Variants in BMPR1B observed in about 807,000 individuals in gnomAD.
BMPR1B encodes the protein bone morphogenetic protein receptor type 1B, also known as bone morphogenetic protein receptor type-1B.
Under a neutral mutation model 59.1 loss-of-function variants are expected in BMPR1B, and 12 were observed. The ratio of observed to expected loss-of-function variants is 0.20; its 90% CI spans 0.13 to 0.33. The LOEUF (loss-of-function observed/expected upper bound fraction) is 0.33, where lower values mean the gene tolerates loss of function less well. Among genes scored for constraint, BMPR1B ranks in the 10% least tolerant of loss-of-function variants. The pLI, the probability that BMPR1B is intolerant of heterozygous loss-of-function variation, is 1.00. For missense variants in BMPR1B, 550 were observed against 610.9 expected, an observed-to-expected ratio of 0.90 and a Z score of 1.05; for synonymous variants, 237 against 207.3, an observed-to-expected ratio of 1.14 and a Z score of -1.23.
At position 95,155,507 on chromosome 4, in the gene BMPR1B, T is replaced by TTTA. The variant is rs1735359287; in HGVS notation, c.*834_*835insTTA. 1 of 110,212 alleles carries TTTA rather than the reference T, an allele frequency of 9.1e-6. No homozygotes were observed. The highest frequency in any genetic ancestry group is 1.8e-5 in the Non-Finnish European group (1 of 55,796). The allele number at this position is 110,212 out of a possible 1,614,324, so 6.8% of individuals were successfully genotyped here. On this transcript the variant is annotated 3_prime_UTR_variant, in exon 13 of 13. Transcript: ENST00000515059. ...TTTTTTTTTTTTTTTTTTTTTTTTT[T>TTTA]AATGTGCAGAGGATTGACCTGTGCA... is the stretch of plus-strand genomic sequence containing the variant.
chr4:95,042,595 A>G (rs1445599425), intron 3 of BMPR1B, among the ~76,000 whole-genome samples: 3 of 152,220 alleles, frequency 2.0e-5, no homozygotes, highest in South Asian at 2.1e-4. Context: ...TCTGGCCCCA[A>G]GCATTTTAAA....
At chr4:94,949,779 G>C (rs372032719) in intron 2 of BMPR1B, among the ~76,000 whole-genome samples, 2 of 152,158 alleles carry the variant, frequency 1.3e-5, no homozygotes, top group East Asian at 3.8e-4. Flanking sequence ...AAAGTAGAAT[G>C]ATGTATAATC....
intron 2 of BMPR1B, among the ~76,000 whole-genome samples, chr4:94,955,532 A>C (rs1730107576): frequency 6.6e-6 from 1 of 152,174 alleles, no homozygotes; most frequent in South Asian, 2.1e-4. Context: ...AATAATGTTA[A>C]TACTAATAGT....
At chr4:95,047,601 C>T (rs1026823685) in intron 3 of BMPR1B, among the ~76,000 whole-genome samples, 1 of 152,134 alleles carries the variant, frequency 6.6e-6, no homozygotes, top group Non-Finnish European at 1.5e-5. Flanking sequence ...AAGTTATATT[C>T]CTTTTCATAC....
rs549037222 is a variant in BMPR1B, at chr4:94,923,122, T to C, written c.-113+47222T>C. 5.3e-5 allele frequency among the ~76,000 whole-genome samples: 8 copies of C among 152,306 alleles called. No individual in the cohort carries two copies. The East Asian group carries it at 1.5e-3, about 29-fold the overall frequency. On this transcript the variant is annotated intron_variant, in intron 2 of 12. Transcript: ENST00000515059. ...AATTATGTATAATTAATTTATCTTATATACTTTGTTTATCTTTGTCAGACA... is the reference window on the plus strand; with the variant it reads ...AATTATGTATAATTAATTTATCTTACATACTTTGTTTATCTTTGTCAGACA...
intron 2 of BMPR1B, among the ~76,000 whole-genome samples, chr4:94,948,376 A>G (rs1244024138): frequency 6.6e-6 from 1 of 152,226 alleles, no homozygotes; most frequent in Non-Finnish European, 1.5e-5. Flanking sequence ...TACCAGAGAG[A>G]GCAAGGAGGC....
chr4:94,963,865 GA>G (rs1303488588), intron 2 of BMPR1B, among the ~76,000 whole-genome samples: 1 of 152,012 alleles, frequency 6.6e-6, no homozygotes, highest in Non-Finnish European at 1.5e-5. Context: ...CTATTTCTGT[GA>G]AGAATGTCAT....
chr4:95,112,872 A>G (rs1023830744), intron 4 of BMPR1B, among the ~76,000 whole-genome samples: 15 of 152,026 alleles, frequency 9.9e-5, no homozygotes, highest in Non-Finnish European at 2.9e-5. Flanking sequence ...GTGCATTTCT[A>G]TTTACTCCTA....
At chr4:94,857,127 A>G (rs1725789556) in intron 1 of BMPR1B, among the ~76,000 whole-genome samples, 2 of 152,222 alleles carry the variant, frequency 1.3e-5, no homozygotes, top group South Asian at 4.1e-4. Flanking sequence ...ATAAAAAAGT[A>G]TGGAGGAGAG....
At chr4:95,073,635 T>C (rs1359191117) in intron 3 of BMPR1B, among the ~76,000 whole-genome samples, 1 of 152,134 alleles carries the variant, frequency 6.6e-6, no homozygotes, top group Non-Finnish European at 1.5e-5. Flanking sequence ...GGATAACTTC[T>C]TCTTAAGGAA....
At chr4:94,846,995 A>G (rs1725361957) in intron 1 of BMPR1B, among the ~76,000 whole-genome samples, 1 of 152,188 alleles carries the variant, frequency 6.6e-6, no homozygotes, top group African/African-American at 2.4e-5. Context: ...AAAGAAAGTC[A>G]ACAAAGTGAA....
chr4:94,880,635 ATT>A (rs35455973), intron 2 of BMPR1B, among the ~76,000 whole-genome samples: 3,491 of 125,126 alleles, frequency 0.028, 62 homozygotes, highest in African/African-American at 0.071. Context: ...ATTAAAATGA[ATT>A]TTTTTTTTTT....
At chr4:94,869,053 A>T (rs1726369081) in intron 1 of BMPR1B, among the ~76,000 whole-genome samples, 1 of 151,164 alleles carries the variant, frequency 6.6e-6, no homozygotes, top group African/African-American at 2.4e-5. Context: ...CTCTTTTTTA[A>T]AATTAAACTC....
intron 2 of BMPR1B, among the ~76,000 whole-genome samples, chr4:94,982,588 C>G (rs760388028): frequency 6.6e-5 from 10 of 152,126 alleles, no homozygotes; most frequent in Non-Finnish European, 1.3e-4. Flanking sequence ...TAAAAAAGTC[C>G]TCGTTGATAT....
chr4:95,053,631 A>G (rs973869290), intron 3 of BMPR1B, among the ~76,000 whole-genome samples: 6 of 152,278 alleles, frequency 3.9e-5, no homozygotes, highest in Admixed American at 3.9e-4. Context: ...ATGCAAAAAT[A>G]GGAGGCAACC....
At chr4:94,806,366 A>G (rs2110630964) in intron 1 of BMPR1B, among the ~76,000 whole-genome samples, 1 of 152,340 alleles carries the variant, frequency 6.6e-6, no homozygotes, top group Middle Eastern at 3.4e-3. Flanking sequence ...TAACTGCCTC[A>G]TTGTTTTAGC....
chr4:95,125,194 C>T, intron 8 of BMPR1B, 73 bp downstream of exon 8: 1 of 1,580,666 alleles, frequency 6.3e-7, no homozygotes, highest in Non-Finnish European at 8.7e-7. Flanking sequence ...TGGGGTTTCA[C>T]TTACTGAAAT....
At chr4:94,841,752 G>A (rs1254043760) in intron 1 of BMPR1B, among the ~76,000 whole-genome samples, 1 of 152,116 alleles carries the variant, frequency 6.6e-6, no homozygotes, top group Non-Finnish European at 1.5e-5. Context: ...GTAGACCGGA[G>A]CTGTTCCTAT....
intron 2 of BMPR1B, among the ~76,000 whole-genome samples, chr4:94,993,177 A>G (rs1331723350): frequency 6.6e-6 from 1 of 152,114 alleles, no homozygotes; most frequent in Non-Finnish European, 1.5e-5. Context: ...AGATGATGTG[A>G]GCCACTTGTG....
Sources: allele counts gnomAD v4.1 joint callset (sites outside exome capture counted in the v4.1 genomes callset), GRCh38; gene constraint gnomAD v4.1.1; transcripts MANE v1.5; gene names NCBI Gene and HGNC (gene_info 2026-07-23, HGNC 2026-07-21).